The following FGL1 variants were observed in gnomAD, a reference collection of about 807,000 sequenced individuals.
The protein encoded by FGL1 is fibrinogen like 1, also known as fibrinogen-like protein 1.
A neutral mutation model predicts 43.7 loss-of-function variants in FGL1; 59 were observed. The observed-to-expected ratio is 1.35, with a 90% CI of 1.10 to 1.68. FGL1 has a LOEUF of 1.68. Among genes scored for constraint, FGL1 ranks in the 40% most tolerant of loss-of-function variants. The pLI is 0.00. For synonymous variants in FGL1, 192 were observed against 126.5 expected, an observed-to-expected ratio of 1.52 and a Z score of -3.48; for missense variants, 596 against 373.0, an observed-to-expected ratio of 1.60 and a Z score of -4.92.
intron 3 of FGL1, among the ~76,000 whole-genome samples, chr8:17,876,151 CT>C (rs2053453246): frequency 6.6e-6 from 1 of 152,134 alleles, no homozygotes; most frequent in Non-Finnish European, 1.5e-5. Context: ...CACTTTTACC[CT>C]TATCGCTTTG....
At chr8:17,895,141 C>G in intron 1 of FGL1, 1 of 291,788 alleles carries the variant, frequency 3.4e-6, no homozygotes, top group Non-Finnish European at 5.2e-6. Flanking sequence ...CATTATATTA[C>G]TTTGATTAGC....
intron 3 of FGL1, among the ~76,000 whole-genome samples, chr8:17,880,004 G>T (rs945815513): frequency 2.6e-5 from 4 of 152,170 alleles, no homozygotes; most frequent in African/African-American, 9.7e-5. Context: ...CTTGAGATCA[G>T]CTTTGTATGT....
rs61745164 is a variant in FGL1, at chr8:17,885,542, A to T, written c.13T>A (p.Phe5Ile). MAKV[F>I]SFILVTTALT... Reference sequence around the variant, plus strand: ...GCGGTGGTAACAAGGATGAAACTGAACACCTTTGCCATGTTCCCCCTTGAA... The same window carrying T: ...GCGGTGGTAACAAGGATGAAACTGATCACCTTTGCCATGTTCCCCCTTGAA... Residue 5 changes from phenylalanine (F) to isoleucine (I), a missense_variant, in exon 2 of 8, where the codon TTC becomes ATC. Transcript: ENST00000427924. 35,343 of 1,613,280 alleles carry T rather than the reference A, an allele frequency of 0.022. 649 individuals are homozygous for T. The highest frequency in any genetic ancestry group is 0.052 in the Middle Eastern group (314 of 6,054).
intron 1 of FGL1, among the ~76,000 whole-genome samples, chr8:17,886,947 G>A (rs1350388243): frequency 6.6e-6 from 1 of 152,128 alleles, no homozygotes; most frequent in Non-Finnish European, 1.5e-5. Context: ...AGGCAAATGG[G>A]CTAACAGTCA....
intron 1 of FGL1, among the ~76,000 whole-genome samples, chr8:17,888,113 A>G (rs936683955): frequency 6.6e-6 from 1 of 151,970 alleles, no homozygotes; most frequent in African/African-American, 2.4e-5. Context: ...TATTAAATAT[A>G]ATTGATTATA....
intron 6 of FGL1, 86 bp downstream of exon 6, chr8:17,868,830 T>G: frequency 6.8e-7 from 1 of 1,466,198 alleles, no homozygotes; most frequent in African/African-American, 1.4e-5. Flanking sequence ...GGTTCTATTG[T>G]ATATTTTTAT....
intron 5 of FGL1, among the ~76,000 whole-genome samples, chr8:17,871,322 C>T (rs989008366): frequency 6.6e-6 from 1 of 151,792 alleles, no homozygotes; most frequent in East Asian, 1.9e-4. Flanking sequence ...GTGAGACCAC[C>T]GTCTCTACTA....
chr8:17,873,907 G>T (rs764816351), intron 5 of FGL1, 112 bp downstream of exon 5: 36 of 631,310 alleles, frequency 5.7e-5, no homozygotes, highest in Non-Finnish European at 8.6e-5. Flanking sequence ...ACTGCCATCT[G>T]CAAATCATAG....
In FGL1 at chr8:17,886,055, G is replaced by C. The variant is rs1391987327; in HGVS notation, c.-17-484C>G. Among the ~76,000 whole-genome samples, 5 of 152,276 alleles carry C rather than the reference G, an allele frequency of 3.3e-5. No homozygotes were observed. The East Asian group carries it at 9.7e-4, about 29-fold the overall frequency. ...AGGCGTGAGCCACTGCCTAGAGTAA[G>C]ATTTTTGAAAGCAAAGGTCACACCT... is the stretch of plus-strand genomic sequence containing the variant. On this transcript the variant is annotated intron_variant, in intron 1 of 7. Coordinates refer to ENST00000427924, the MANE Select transcript of FGL1 (RefSeq NM_004467.4).
In FGL1 at chr8:17,874,009, C is replaced by G; in HGVS notation, c.502+10G>C. ...TATTTCAAATAAATCTGACATCATT[C>G]AAACCTTACCTTGAGTGGTCAAGAA... is the stretch of plus-strand genomic sequence containing the variant. On this transcript the variant is annotated intron_variant, in intron 5 of 7. Transcript: ENST00000427924. 6.4e-7 allele frequency: 1 copy of G among 1,570,448 alleles called. No individual in the cohort carries two copies.
Position 17,875,543 on chromosome 8 carries a change from T to TTCTCTCTCTCTCTCTCTC in FGL1, c.245-1023_245-1022insGAGAGAGAGAGAGAGAGA, listed in dbSNP as rs1272838243. On this transcript the variant is annotated intron_variant, in intron 3 of 7. Coordinates refer to ENST00000427924, the MANE Select transcript of FGL1 (RefSeq NM_004467.4). The stretch of plus-strand genomic sequence containing the variant: ...TCTTTCTTTCTTTCTTTCTCTTTCT[T>TTCTCTCTCTCTCTCTCTC]TCTTTCTTTCTTTCTTTCTTTCTTT... 1.2e-4 allele frequency among the ~76,000 whole-genome samples: 2 copies of TTCTCTCTCTCTCTCTCTC among 16,828 alleles called. 1 individual carries two copies. The highest frequency in any genetic ancestry group is 3.3e-4 in the African/African-American group (2 of 5,984). The allele number at this position is 16,828 out of a possible 152,430, so 11.0% of individuals were successfully genotyped here.
chr8:17,874,514 T>G lies in FGL1; in HGVS notation c.252A>C (p.Ser84=). 6.2e-7 allele frequency: 1 copy of G among 1,603,974 alleles called. No homozygotes were observed. The highest frequency in any genetic ancestry group is 8.5e-7 in the Non-Finnish European group (1 of 1,175,044). The change falls in exon 4 of 8, where the codon TCA becomes TCC. Residue 84 remains serine (S), a synonymous_variant. Coordinates refer to ENST00000427924, the MANE Select transcript of FGL1 (RefSeq NM_004467.4). ...GCTTATACCCATCATTGAAAATCTC[T>G]GAACAATCTGTTTTTAAAACAAGGT... ...LGSKRQYADC[S]EIFNDGYKLS... is the part of the protein sequence containing the mutation.
chr8:17,874,738 C>T, intron 3 of FGL1: 1 of 374,450 alleles, frequency 2.7e-6, no homozygotes, highest in Non-Finnish European at 4.7e-6. Flanking sequence ...TTGATATAAT[C>T]ATCGAGGAAA....
intron 3 of FGL1, among the ~76,000 whole-genome samples, chr8:17,875,971 C>A (rs1041564431): frequency 2.0e-5 from 3 of 152,102 alleles, no homozygotes; most frequent in Non-Finnish European, 4.4e-5. Flanking sequence ...TGGGTCTCAC[C>A]TAGGTTGATC....
At position 17,881,044 on chromosome 8, in the gene FGL1, GA is replaced by G. The variant is rs1411402402; in HGVS notation, c.244+954del. Among the ~76,000 whole-genome samples the G allele has an allele frequency of 2.6e-5, 4 of 151,976 alleles. No homozygotes were observed. In the East Asian group the frequency reaches 5.8e-4, roughly 22 times the overall value. ...CACCCTAATGCACATTAGGATTTCA[GA>G]AGGGAAAACTGCATACATGCAACAA... On this transcript the variant is annotated intron_variant, in intron 3 of 7. Transcript: ENST00000427924.
At chr8:17,884,431 G>A (rs2053598593) in intron 2 of FGL1, among the ~76,000 whole-genome samples, 1 of 152,110 alleles carries the variant, frequency 6.6e-6, no homozygotes, top group Admixed American at 6.6e-5. Context: ...CTGGCTTCAA[G>A]CGATCCACCC....
intron 2 of FGL1, among the ~76,000 whole-genome samples, chr8:17,883,685 TA>T (rs1481583127): frequency 7.9e-4 from 116 of 146,010 alleles, no homozygotes; most frequent in African/African-American, 2.8e-3. Flanking sequence ...ATAATATATA[TA>T]TATTTTTTAT....
chr8:17,886,009 C>A (rs1490315176), intron 1 of FGL1, among the ~76,000 whole-genome samples: 1 of 152,190 alleles, frequency 6.6e-6, no homozygotes, highest in African/African-American at 2.4e-5. Flanking sequence ...CCGCCTTGGC[C>A]TCCCAAAGTG....
chr8:17,885,438 T>C (rs1188577309), intron 2 of FGL1, 54 bp downstream of exon 2: 2 of 1,443,136 alleles, frequency 1.4e-6, no homozygotes, highest in Admixed American at 3.8e-5. Flanking sequence ...TGAAAGAAAA[T>C]TCAGATAAAA....
Sources: gnomAD v4.1 joint callset for allele counts (sites outside exome capture counted in the v4.1 genomes callset) on GRCh38, gnomAD v4.1.1 for gene constraint, MANE v1.5 for transcripts, NCBI Gene and HGNC (gene_info 2026-07-23, HGNC 2026-07-21) for gene names.